SAMD3: variants seen among roughly 807,000 people sequenced by gnomAD.
The protein encoded by SAMD3 is sterile alpha motif domain-containing protein 3.
In SAMD3, 63 loss-of-function variants were observed where a neutral mutation model predicts 58.5. The observed-to-expected ratio is 1.08, with a 90% CI of 0.88 to 1.33. The LOEUF is 1.33. Ranked by LOEUF, SAMD3 falls within the 40% of genes most tolerant of loss-of-function variation. The pLI is 0.00. For synonymous variants in SAMD3, 220 were observed against 210.3 expected, an observed-to-expected ratio of 1.05 and a Z score of -0.40; for missense variants, 604 against 608.4, an observed-to-expected ratio of 0.99 and a Z score of 0.08.
chr6:130,227,467 G>A (rs73614567), upstream of SAMD3, among the ~76,000 whole-genome samples: 8,510 of 152,198 alleles, frequency 0.056, 759 homozygotes, highest in African/African-American at 0.19. Flanking sequence ...CTCTGCTTTA[G>A]TGGTCTGCTT....
intron 2 of SAMD3, among the ~76,000 whole-genome samples, chr6:130,241,763 A>G (rs1773366261): frequency 6.6e-6 from 1 of 152,012 alleles, no homozygotes; most frequent in Non-Finnish European, 1.5e-5. Context: ...GTCCCTGAAA[A>G]ATGGGATGGA....
intron 5 of SAMD3, among the ~76,000 whole-genome samples, chr6:130,200,550 C>A (rs1047733030): frequency 6.3e-5 from 7 of 111,968 alleles, no homozygotes; most frequent in African/African-American, 1.8e-4. Flanking sequence ...CTCTGTCCCC[C>A]GACCCACAAA....
At position 130,240,998 on chromosome 6, in the gene SAMD3, A is replaced by G. The variant is rs552319428; in HGVS notation, c.-187-18185T>C. Reference sequence around the variant, plus strand: ...TACCACCTCAGTATCTTGGAGGCACACTTCCTTCTCCTGTTGAATTCCTCT... The same window carrying G: ...TACCACCTCAGTATCTTGGAGGCACGCTTCCTTCTCCTGTTGAATTCCTCT... On this transcript the variant is annotated intron_variant, in intron 2 of 13. Transcript: ENST00000368134. 5.9e-5 allele frequency among the ~76,000 whole-genome samples: 9 copies of G among 152,148 alleles called. No homozygotes were observed. The South Asian group carries it at 1.9e-3, about 32-fold the overall frequency.
intron 8 of SAMD3, among the ~76,000 whole-genome samples, chr6:130,162,984 G>A (rs1216317453): frequency 2.0e-5 from 3 of 151,452 alleles, no homozygotes; most frequent in Non-Finnish European, 4.4e-5. Context: ...TTGCTATATT[G>A]CCCAGCTGGA....
At chr6:130,199,115 A>C (rs182226091) in intron 5 of SAMD3, among the ~76,000 whole-genome samples, 82 of 152,326 alleles carry the variant, frequency 5.4e-4, no homozygotes, top group African/African-American at 1.9e-3. Context: ...GCTGTGAAGA[A>C]TACACATCCT....
intron 5 of SAMD3, among the ~76,000 whole-genome samples, chr6:130,192,347 C>T (rs1793628639): frequency 6.6e-6 from 1 of 152,174 alleles, no homozygotes; most frequent in South Asian, 2.1e-4. Flanking sequence ...CCATCATATT[C>T]CCTGTGACCT....
upstream of SAMD3, among the ~76,000 whole-genome samples, chr6:130,227,773 A>G (rs1374922054): frequency 6.7e-6 from 1 of 148,926 alleles, no homozygotes; most frequent in East Asian, 1.9e-4. Flanking sequence ...GTGCGACAAA[A>G]GCAAAACTCC....
At chr6:130,352,813 A>G (rs1777719049) in intron 1 of SAMD3, among the ~76,000 whole-genome samples, 2 of 152,248 alleles carry the variant, frequency 1.3e-5, no homozygotes, top group African/African-American at 2.4e-5. Context: ...CTACATCTAC[A>G]TTCTGAAATT....
chr6:130,235,696 G>C (rs887361917), intron 2 of SAMD3, among the ~76,000 whole-genome samples: 5 of 152,258 alleles, frequency 3.3e-5, no homozygotes, highest in East Asian at 1.9e-4. Flanking sequence ...TAGAGTAATT[G>C]CTTCTCAGTA....
intron 2 of SAMD3, among the ~76,000 whole-genome samples, chr6:130,266,609 C>T (rs887859141): frequency 6.6e-6 from 1 of 152,160 alleles, no homozygotes; most frequent in African/African-American, 2.4e-5. Flanking sequence ...CCCAAAGTTG[C>T]AAACCATGTA....
At chr6:130,274,047 C>T (rs1358830403) in intron 2 of SAMD3, among the ~76,000 whole-genome samples, 4 of 152,108 alleles carry the variant, frequency 2.6e-5, no homozygotes, top group African/African-American at 9.7e-5. Flanking sequence ...TGAATAATTA[C>T]CTTTAGAATT....
At chr6:130,344,279 T>G (rs1251187826) in intron 1 of SAMD3, among the ~76,000 whole-genome samples, 4 of 152,264 alleles carry the variant, frequency 2.6e-5, no homozygotes, top group Non-Finnish European at 4.4e-5. Context: ...TCTGTATGTT[T>G]GCCCATTGGC....
intron 2 of SAMD3, among the ~76,000 whole-genome samples, chr6:130,269,713 T>C (rs2114934392): frequency 7.6e-6 from 1 of 132,054 alleles, no homozygotes; most frequent in South Asian, 2.7e-4. Context: ...TCATTTTAAA[T>C]GTTTCTGTTC....
At chr6:130,325,697 C>T (rs570466818) in intron 1 of SAMD3, among the ~76,000 whole-genome samples, 2 of 152,290 alleles carry the variant, frequency 1.3e-5, no homozygotes, top group South Asian at 4.1e-4. Context: ...TTAAGCATCA[C>T]GCTGTGTATG....
At chr6:130,211,245 T>C (rs541051773) in intron 4 of SAMD3, among the ~76,000 whole-genome samples, 2 of 151,642 alleles carry the variant, frequency 1.3e-5, no homozygotes, top group East Asian at 3.9e-4. Flanking sequence ...TTTCTATTGA[T>C]AATAATTCTT....
At chr6:130,318,416 T>TA (rs200658209) in intron 1 of SAMD3, among the ~76,000 whole-genome samples, 2 of 152,074 alleles carry the variant, frequency 1.3e-5, no homozygotes, top group African/African-American at 4.8e-5. Flanking sequence ...TGACATCTAA[T>TA]AAAAAAATTT....
intron 1 of SAMD3, among the ~76,000 whole-genome samples, chr6:130,313,538 AG>A (rs1208739641): frequency 6.6e-6 from 1 of 152,220 alleles, no homozygotes; most frequent in East Asian, 1.9e-4. Context: ...CAAAAGGAAA[AG>A]GGACTTGAGA....
intron 1 of SAMD3, among the ~76,000 whole-genome samples, chr6:130,335,322 G>C (rs1777066389): frequency 6.6e-6 from 1 of 152,216 alleles, no homozygotes; most frequent in Non-Finnish European, 1.5e-5. Context: ...CTTGTCGCCT[G>C]ACAAACACAT....
intron 2 of SAMD3, among the ~76,000 whole-genome samples, chr6:130,237,731 G>C (rs1488122332): frequency 6.6e-6 from 1 of 152,142 alleles, no homozygotes; most frequent in African/African-American, 2.4e-5. Flanking sequence ...CTACTCGTAA[G>C]TGTCTTAACC....
Sources: gnomAD v4.1 joint callset for allele counts (sites outside exome capture counted in the v4.1 genomes callset) on GRCh38, gnomAD v4.1.1 for gene constraint, MANE v1.5 for transcripts, NCBI Gene and HGNC (gene_info 2026-07-23, HGNC 2026-07-21) for gene names.